The following KPNA5 variants were observed in gnomAD, a reference collection of about 807,000 sequenced individuals.
KPNA5 encodes karyopherin subunit alpha 5.
In KPNA5, 46 loss-of-function variants were observed where a neutral mutation model predicts 71.3. That is an observed-to-expected ratio of 0.65 (90% confidence interval 0.51 to 0.83). The LOEUF is 0.83. Ranked by LOEUF, KPNA5 falls within the 40% of genes least tolerant of loss-of-function variation. The pLI, the probability that KPNA5 is intolerant of heterozygous loss-of-function variation, is 0.00. For synonymous variants in KPNA5, 207 were observed against 201.4 expected (o/e 1.03, Z -0.24); for missense variants, 547 against 628.3 (o/e 0.87, Z 1.38).
rs1779855084 is a variant in KPNA5 at position 116,741,008 on chromosome 6, A to C, written c.*8685A>C. 6.6e-6 allele frequency: 1 copy of C among 150,550 alleles called. No homozygotes were observed. The highest frequency in any genetic ancestry group is 6.6e-5 in the Admixed American group (1 of 15,116). 9.3% of individuals were successfully genotyped at this position (150,550 alleles called of 1,614,324 possible). A position where few individuals can be genotyped will look rare whatever the true frequency, so the allele number is the denominator to read the frequency against. ...TTAAAGTATAATAAAAAAAAAAGAA[A>C]TGTACTTTTAAATTTCAGACCTTAA... On this transcript the variant is annotated 3_prime_UTR_variant, in exon 14 of 14. Transcript: ENST00000368564.
Position 116,740,751 on chromosome 6 carries a change from A to T in KPNA5, c.*8428A>T, listed in dbSNP as rs1166071119. 6.6e-6 allele frequency: 1 copy of T among 150,880 alleles called. No individual in the cohort carries two copies. The highest frequency in any genetic ancestry group is 1.5e-5 in the Non-Finnish European group (1 of 67,892). The allele number at this position is 150,880 out of a possible 1,614,324, so 9.3% of individuals were successfully genotyped here. On this transcript the variant is annotated 3_prime_UTR_variant, in exon 14 of 14. Coordinates refer to ENST00000368564, the MANE Select transcript of KPNA5 (RefSeq NM_001366306.2). The stretch of plus-strand genomic sequence containing the variant: ...CAGTAAGCTATCGCAAGAACAAAAA[A>T]CCAAATGCCGCATCTTCTCACTCAT...
At chr6:116,681,514 G>C in intron 1 of KPNA5, 176 bp downstream of exon 1, 1 of 1,361,372 alleles carries the variant, frequency 7.3e-7, no homozygotes, top group African/African-American at 1.5e-5. Flanking sequence ...TCGCGGGGGC[G>C]TGGCAGCCGG....
chr6:116,726,932 A>T (rs566113817), intron 12 of KPNA5, among the ~76,000 whole-genome samples: 1 of 152,206 alleles, frequency 6.6e-6, no homozygotes, highest in East Asian at 1.9e-4. Flanking sequence ...TCACAAAAAT[A>T]TAGCTTTATT....
chr6:116,701,906 T>G, intron 5 of KPNA5, 113 bp from the exon 6 acceptor site: 1 of 829,478 alleles, frequency 1.2e-6, no homozygotes, highest in Non-Finnish European at 1.8e-6. Flanking sequence ...AATCTTAATA[T>G]AAGTCAGTCT....
intron 12 of KPNA5, 104 bp downstream of exon 12, chr6:116,726,726 C>A: frequency 1.9e-6 from 2 of 1,027,900 alleles, no homozygotes; most frequent in Non-Finnish European, 2.7e-6. Flanking sequence ...ATTTCTAAGT[C>A]AGTTTGATAA....
chr6:116,710,821 A>G (rs184606590), intron 7 of KPNA5, among the ~76,000 whole-genome samples: 1 of 144,132 alleles, frequency 6.9e-6, no homozygotes, highest in Admixed American at 7.0e-5. Flanking sequence ...TTTTTTGTTG[A>G]AGTGCTGATA....
At chr6:116,689,493 T>C (rs746359514) in intron 2 of KPNA5, 40 bp downstream of exon 2, 2 of 1,452,162 alleles carry the variant, frequency 1.4e-6, no homozygotes, top group Non-Finnish European at 1.9e-6. Context: ...TTTTAAAATT[T>C]TAATTATTTG....
intron 6 of KPNA5, among the ~76,000 whole-genome samples, chr6:116,703,679 T>G (rs1024698740): frequency 6.6e-6 from 1 of 152,200 alleles, no homozygotes; most frequent in African/African-American, 2.4e-5. Flanking sequence ...GAAAATATCT[T>G]TAGTTTAAAG....
chr6:116,693,541 G>A (rs1274576464), intron 4 of KPNA5, among the ~76,000 whole-genome samples: 2 of 152,152 alleles, frequency 1.3e-5, no homozygotes, highest in East Asian at 1.9e-4. Context: ...CTTCTTTTGG[G>A]AAGTGTCTGT....
chr6:116,682,329 AAAAC>A (rs900308643), intron 1 of KPNA5, among the ~76,000 whole-genome samples: 1 of 151,838 alleles, frequency 6.6e-6, no homozygotes, highest in African/African-American at 2.4e-5. Context: ...TCTGTCTCAA[AAAAC>A]AAACAAAAGA....
intron 7 of KPNA5, among the ~76,000 whole-genome samples, chr6:116,712,894 T>TTC (rs1447221893): frequency 6.6e-6 from 1 of 152,184 alleles, no homozygotes; most frequent in African/African-American, 2.4e-5. Context: ...AATTAACACT[T>TTC]TAAACTTGTA....
At chr6:116,697,813 G>A (rs1481624575) in intron 4 of KPNA5, among the ~76,000 whole-genome samples, 4 of 151,922 alleles carry the variant, frequency 2.6e-5, no homozygotes, top group Non-Finnish European at 5.9e-5. Flanking sequence ...TTTTGGGTAT[G>A]CTGCATTTTG....
chr6:116,698,005 A>G lies in KPNA5; in HGVS notation c.341-699A>G, dbSNP rs571069735. Among the ~76,000 whole-genome samples the G allele has an allele frequency of 5.3e-5, 8 of 152,140 alleles. No homozygotes were observed. The South Asian group carries it at 1.2e-3, about 24-fold the overall frequency. ...AACAAAAATAGGTACATTTTCTAAG[A>G]TGAGAATAAACAGGAATAAGACTAT... On this transcript the variant is annotated intron_variant, in intron 4 of 13. Transcript: ENST00000368564.
At chr6:116,708,370 G>A (rs185188917) in intron 7 of KPNA5, among the ~76,000 whole-genome samples, 3 of 152,278 alleles carry the variant, frequency 2.0e-5, no homozygotes, top group Admixed American at 2.0e-4. Context: ...TCCTAGCAAT[G>A]TATGAGTGTT....
rs1562458575 is a variant in KPNA5, at chr6:116,732,073, T to TA, written c.1433-63_1433-62insA. ...ATACTGAAATTGTAGTAACAGTTTG[T>TA]TTATATATATATATATATATATATA... On this transcript the variant is annotated intron_variant, in intron 13 of 13. Transcript: ENST00000368564. The TA allele has an allele frequency of 1.2e-3, 126 of 102,228 alleles. 3 individuals are homozygous for TA. Among genetic ancestry groups the TA allele is most frequent in the South Asian group, 2.6e-3 (8 of 3,022 alleles). The allele number at this position is 102,228 out of a possible 1,614,324, so 6.3% of individuals were successfully genotyped here. A position where few individuals can be genotyped will look rare whatever the true frequency, so the allele number is the denominator to read the frequency against.
intron 6 of KPNA5, 110 bp from the exon 7 acceptor site, chr6:116,704,962 T>C: frequency 1.6e-6 from 1 of 632,296 alleles, no homozygotes; most frequent in East Asian, 2.9e-5. Flanking sequence ...ACTGTTTTTT[T>C]TTAACATATC....
intron 2 of KPNA5, 95 bp downstream of exon 2, chr6:116,689,548 A>G: frequency 3.7e-6 from 4 of 1,066,772 alleles, no homozygotes; most frequent in Non-Finnish European, 5.2e-6. Flanking sequence ...AAGAAATTGA[A>G]TATAGCTAAA....
intron 13 of KPNA5, 44 bp from the exon 14 acceptor site, chr6:116,732,092 A>ATATATATATATATATATATATATATATG: frequency 1.4e-5 from 1 of 71,404 alleles, no homozygotes; most frequent in Non-Finnish European, 2.7e-5. Flanking sequence ...ATATATATAT[A>ATATATATATATATATATATATATATATG]TATATATATA....
chr6:116,740,767 T>G lies in KPNA5; in HGVS notation c.*8444T>G, dbSNP rs1462539623. 14 of 149,180 alleles carry G rather than the reference T, an allele frequency of 9.4e-5. No homozygotes were observed. Among genetic ancestry groups the G allele is most frequent in the Non-Finnish European group, 1.3e-4 (9 of 67,802 alleles). The allele number at this position is 149,180 out of a possible 1,614,324, so 9.2% of individuals were successfully genotyped here. On this transcript the variant is annotated 3_prime_UTR_variant, in exon 14 of 14. Transcript: ENST00000368564. ...GAACAAAAAACCAAATGCCGCATCT[T>G]CTCACTCATAGGTGGGAATTGAACA...
Sources: gnomAD v4.1 joint callset for allele counts (sites outside exome capture counted in the v4.1 genomes callset) on GRCh38, gnomAD v4.1.1 for gene constraint, MANE v1.5 for transcripts, NCBI Gene and HGNC (gene_info 2026-07-23, HGNC 2026-07-21) for gene names.